Variants in PATJ observed in about 807,000 individuals in gnomAD.
PATJ encodes inaD-like protein.
A neutral mutation model predicts 224.9 loss-of-function variants in PATJ; 190 were observed. The observed-to-expected ratio is 0.84, with a 90% CI of 0.75 to 0.95. The LOEUF is 0.95. PATJ is among the 40% of genes least tolerant of loss of function. The pLI, the probability that PATJ is intolerant of heterozygous loss-of-function variation, is 0.00. For missense variants in PATJ, 2,121 were observed against 2,270.3 expected (o/e 0.93, Z 1.34); for synonymous variants, 769 against 820.3 (o/e 0.94, Z 1.07).
At chr1:61,958,690 A>G (rs972379219) in intron 27 of PATJ, among the ~76,000 whole-genome samples, 1 of 152,152 alleles carries the variant, frequency 6.6e-6, no homozygotes, top group African/African-American at 2.4e-5. Flanking sequence ...CACAGAGGAG[A>G]GATTGTGATC....
At chr1:61,963,566 A>G (rs1681632247) in intron 27 of PATJ, among the ~76,000 whole-genome samples, 1 of 152,184 alleles carries the variant, frequency 6.6e-6, no homozygotes, top group African/African-American at 2.4e-5. Context: ...ACTGCACTCC[A>G]GCCTGGGAGA....
At chr1:62,058,281 C>G (rs569495683) in intron 31 of PATJ, among the ~76,000 whole-genome samples, 3 of 152,228 alleles carry the variant, frequency 2.0e-5, no homozygotes, top group South Asian at 4.2e-4. Flanking sequence ...TGCAGCTGAC[C>G]GTGCATTTTA....
At position 61,999,185 on chromosome 1, in the gene PATJ, G is replaced by A. The variant is rs1470172408; in HGVS notation, c.3867+8821G>A. The stretch of plus-strand genomic sequence containing the variant: ...AGTGCCTCTCTCGACTCTTCTTTCT[G>A]CGATTTTCCCCCATGTCTTCCATAA... On this transcript the variant is annotated intron_variant, in intron 28 of 43. Transcript: ENST00000642238. Among the ~76,000 whole-genome samples, 5 of 152,058 alleles carry A rather than the reference G, an allele frequency of 3.3e-5. No homozygotes were observed. The East Asian group carries it at 9.6e-4, about 29-fold the overall frequency.
At chr1:61,989,306 T>A (rs1644935811) in intron 27 of PATJ, among the ~76,000 whole-genome samples, 1 of 152,182 alleles carries the variant, frequency 6.6e-6, no homozygotes, top group Non-Finnish European at 1.5e-5. Context: ...ATGAAATGGA[T>A]AGTAACAATT....
intron 41 of PATJ, among the ~76,000 whole-genome samples, chr1:62,144,059 A>G (rs1667770078): frequency 6.6e-6 from 1 of 152,192 alleles, no homozygotes; most frequent in South Asian, 2.1e-4. Flanking sequence ...GCTGTGGAAG[A>G]GAGCAGAAAG....
At chr1:62,111,568 A>T (rs1663813330) in intron 34 of PATJ, among the ~76,000 whole-genome samples, 1 of 152,142 alleles carries the variant, frequency 6.6e-6, no homozygotes, top group Non-Finnish European at 1.5e-5. Flanking sequence ...GACATGGCAA[A>T]AGTTTGGCTT....
chr1:62,144,769 A>ATATATATATATATATATAT lies in PATJ; in HGVS notation c.5272-3515_5272-3514insTATATATATATATATATAT, dbSNP rs1180544696. 1.5e-3 allele frequency among the ~76,000 whole-genome samples: 88 copies of ATATATATATATATATATAT among 58,670 alleles called. 4 individuals carry two copies. Among genetic ancestry groups the ATATATATATATATATATAT allele is most frequent in the African/African-American group, 5.4e-3 (83 of 15,248 alleles). 38.5% of individuals were successfully genotyped at this position (58,670 alleles called of 152,430 possible). ...AAATGCTCTAGAATGTTATTTGCAAAAAAAAAAAATATATATATATATATA... is the reference window on the plus strand; with the variant it reads ...AAATGCTCTAGAATGTTATTTGCAAATATATATATATATATATATAAAAAAAAATATATATATATATATA... On this transcript the variant is annotated intron_variant, in intron 41 of 43. Transcript: ENST00000642238.
chr1:61,977,436 G>T (rs1644199413), intron 27 of PATJ, among the ~76,000 whole-genome samples: 1 of 152,028 alleles, frequency 6.6e-6, no homozygotes, highest in South Asian at 2.1e-4. Context: ...AAGAAATAAG[G>T]TGGAAGGTTT....
At chr1:61,784,334 G>A (rs552234229) in intron 7 of PATJ, among the ~76,000 whole-genome samples, 1 of 152,310 alleles carries the variant, frequency 6.6e-6, no homozygotes, top group East Asian at 1.9e-4. Context: ...GACAGGTTAT[G>A]GACGGAAAAT....
intron 11 of PATJ, among the ~76,000 whole-genome samples, chr1:61,801,419 A>G (rs1570582226): frequency 6.6e-6 from 1 of 152,224 alleles, no homozygotes; most frequent in East Asian, 1.9e-4. Context: ...TTCATTTTTT[A>G]AGGAATTGAT....
chr1:61,899,707 C>A, intron 23 of PATJ, 53 bp downstream of exon 23: 1 of 1,224,160 alleles, frequency 8.2e-7, no homozygotes, highest in South Asian at 1.3e-5. Context: ...ACCAGTTGCT[C>A]TTTTCTTTAA....
chr1:61,773,519 G>T (rs1296599192), intron 6 of PATJ, among the ~76,000 whole-genome samples: 1 of 150,792 alleles, frequency 6.6e-6, no homozygotes, highest in Non-Finnish European at 1.5e-5. Context: ...AGGCACAGTG[G>T]CTCATGCCTG....
At chr1:62,106,856 C>G (rs1663120349) in intron 33 of PATJ, among the ~76,000 whole-genome samples, 1 of 152,142 alleles carries the variant, frequency 6.6e-6, no homozygotes, top group South Asian at 2.1e-4. Flanking sequence ...TAGGCTCTGA[C>G]AAGTGTCAAA....
chr1:62,128,194 C>A, intron 40 of PATJ, 100 bp downstream of exon 40: 2 of 1,395,792 alleles, frequency 1.4e-6, no homozygotes, highest in South Asian at 1.3e-5. Context: ...TTCCAGTAGC[C>A]ATCAGAGACC....
At chr1:61,972,055 A>G (rs1683053592) in intron 27 of PATJ, among the ~76,000 whole-genome samples, 1 of 151,988 alleles carries the variant, frequency 6.6e-6, no homozygotes, top group African/African-American at 2.4e-5. Context: ...CTTATCTGAA[A>G]TGCTTGGGAC....
chr1:61,927,410 C>A (rs1322977883), intron 26 of PATJ, among the ~76,000 whole-genome samples: 1 of 152,074 alleles, frequency 6.6e-6, no homozygotes. Context: ...CAAAATTAAG[C>A]TTCTACAATG....
intron 24 of PATJ, among the ~76,000 whole-genome samples, chr1:61,907,519 C>T (rs535703289): frequency 1.3e-5 from 2 of 152,284 alleles, no homozygotes; most frequent in African/African-American, 4.8e-5. Flanking sequence ...CATGTCTCTC[C>T]TTTATCATCC....
intron 31 of PATJ, among the ~76,000 whole-genome samples, chr1:62,058,913 ATTC>A (rs1654978073): frequency 6.6e-6 from 1 of 152,226 alleles, no homozygotes; most frequent in Non-Finnish European, 1.5e-5. Flanking sequence ...TCTATGCAAC[ATTC>A]TTAAGATTTT....
chr1:61,825,189 T>A (rs749376132), intron 15 of PATJ, among the ~76,000 whole-genome samples: 12 of 152,178 alleles, frequency 7.9e-5, no homozygotes, highest in Admixed American at 7.2e-4. Context: ...TTTGGGGTAT[T>A]GGCAATATTA....
Sources: gnomAD v4.1 joint callset for allele counts (sites outside exome capture counted in the v4.1 genomes callset) on GRCh38, gnomAD v4.1.1 for gene constraint, MANE v1.5 for transcripts, NCBI Gene and HGNC (gene_info 2026-07-23, HGNC 2026-07-21) for gene names.